Variants in PDE7A observed in about 807,000 individuals in gnomAD.
PDE7A encodes the protein high affinity 3',5'-cyclic-AMP phosphodiesterase 7A.
A neutral mutation model predicts 64.3 loss-of-function variants in PDE7A; 39 were observed. The observed-to-expected ratio is 0.61, with a 90% CI of 0.47 to 0.79. PDE7A has a LOEUF of 0.79. Ranked by LOEUF, PDE7A falls within the 30% of genes least tolerant of loss-of-function variation. The probability of loss-of-function intolerance (pLI) is 0.00; values close to 1 mark genes in which losing one functional copy is unlikely to be tolerated. For missense variants in PDE7A, 470 were observed against 582.8 expected (o/e 0.81, Z 1.99); for synonymous variants, 203 against 206.8 (o/e 0.98, Z 0.16).
intron 3 of PDE7A, among the ~76,000 whole-genome samples, chr8:65,749,496 A>G (rs1213802317): frequency 6.6e-6 from 1 of 152,220 alleles, no homozygotes; most frequent in East Asian, 1.9e-4. Context: ...CTTACTTTAA[A>G]AAAAGGACTA....
intron 1 of PDE7A, among the ~76,000 whole-genome samples, chr8:65,820,870 G>A (rs1475923054): frequency 1.3e-5 from 2 of 152,194 alleles, no homozygotes; most frequent in East Asian, 1.9e-4. Context: ...GATTACAGGC[G>A]TGAGCCACCA....
intron 1 of PDE7A, among the ~76,000 whole-genome samples, chr8:65,827,837 G>A (rs1218355857): frequency 6.6e-6 from 1 of 152,100 alleles, no homozygotes; most frequent in Non-Finnish European, 1.5e-5. Context: ...TTCACACAAC[G>A]ACGAAATCGC....
chr8:65,722,482 G>A (rs1806426129), intron 12 of PDE7A: 1 of 152,168 alleles, frequency 6.6e-6, no homozygotes, highest in South Asian at 2.1e-4. Flanking sequence ...TCATCTTTCT[G>A]AACTTTGGGC....
intron 3 of PDE7A, among the ~76,000 whole-genome samples, chr8:65,766,531 C>T (rs991345335): frequency 3.9e-5 from 6 of 152,162 alleles, no homozygotes; most frequent in African/African-American, 1.4e-4. Flanking sequence ...TGCTTAGGAG[C>T]AAGGGAGCCT....
At chr8:65,839,215 C>CTT (rs111962307) in intron 1 of PDE7A, among the ~76,000 whole-genome samples, 12,255 of 141,636 alleles carry the variant, frequency 0.087, 1,448 homozygotes, top group African/African-American at 0.28. Flanking sequence ...TACTTAATGT[C>CTT]TTTTTTTTAA....
At chr8:65,822,550 G>A (rs1237704957) in intron 1 of PDE7A, among the ~76,000 whole-genome samples, 2 of 152,188 alleles carry the variant, frequency 1.3e-5, no homozygotes, top group East Asian at 1.9e-4. Flanking sequence ...GAAATAAACA[G>A]TATCCACTCT....
intron 3 of PDE7A, among the ~76,000 whole-genome samples, chr8:65,753,002 CCTTTTGTTGT>C (rs1808040556): frequency 6.6e-6 from 1 of 152,134 alleles, no homozygotes; most frequent in Non-Finnish European, 1.5e-5. Context: ...CAACTGAACT[CCTTTTGTTGT>C]CTTATCTCTT....
Position 65,731,467 on chromosome 8 carries a change from A to G in PDE7A, c.696+3327T>C, listed in dbSNP as rs1563474593. 3 of 152,350 alleles carry G rather than the reference A, an allele frequency of 2.0e-5. No individual in the cohort carries two copies. In the East Asian group the frequency reaches 5.8e-4, roughly 29 times the overall value. 9.4% of individuals were successfully genotyped at this position (152,350 alleles called of 1,614,324 possible). ...AGTATAGTTATTAAGTAAAATAGCT[A>G]ATTTAAACTCATTATAGAAACATGA... On this transcript the variant is annotated intron_variant, in intron 7 of 12. Coordinates refer to ENST00000401827, the MANE Select transcript of PDE7A (RefSeq NM_001242318.3).
At chr8:65,781,900 G>A (rs1264921281) in intron 2 of PDE7A, among the ~76,000 whole-genome samples, 1 of 152,084 alleles carries the variant, frequency 6.6e-6, no homozygotes, top group African/African-American at 2.4e-5. Context: ...ATTTGTGGGG[G>A]AAAAATATGT....
intron 1 of PDE7A, chr8:65,789,056 C>T: frequency 6.8e-7 from 1 of 1,470,826 alleles, no homozygotes; most frequent in Non-Finnish European, 9.1e-7. Context: ...GGGACACTGA[C>T]TGCCTTGGAC....
Position 65,718,041 on chromosome 8 carries a change from CA to C in PDE7A, c.*1248del, listed in dbSNP as rs1402658003. 6.6e-6 allele frequency: 1 copy of C among 152,174 alleles called. No homozygotes were observed. Among genetic ancestry groups the C allele is most frequent in the Non-Finnish European group, 1.5e-5 (1 of 68,026 alleles). 9.4% of individuals were successfully genotyped at this position (152,174 alleles called of 1,614,324 possible). On this transcript the variant is annotated 3_prime_UTR_variant, in exon 13 of 13. Coordinates refer to ENST00000401827, the MANE Select transcript of PDE7A (RefSeq NM_001242318.3). ...GGCCCGTCAAAGGGTAACGTTTCAT[CA>C]AAGGGAGGGACAAGAAAACAATGCA...
At chr8:65,728,096 C>A (rs1303374958) in intron 7 of PDE7A, 1 of 152,162 alleles carries the variant, frequency 6.6e-6, no homozygotes, top group African/African-American at 2.4e-5. Context: ...TCCCACAGCA[C>A]CTCATGACCT....
At chr8:65,729,616 T>G (rs994712266) in intron 7 of PDE7A, among the ~76,000 whole-genome samples, 7 of 152,064 alleles carry the variant, frequency 4.6e-5, no homozygotes, top group Non-Finnish European at 8.8e-5. Context: ...CAGCCTGGAG[T>G]GCAGTGGTGC....
At chr8:65,803,167 C>T (rs1810035952) in intron 1 of PDE7A, among the ~76,000 whole-genome samples, 1 of 152,108 alleles carries the variant, frequency 6.6e-6, no homozygotes, top group South Asian at 2.1e-4. Context: ...CAAGAACAGC[C>T]TAATACACAG....
chr8:65,841,975 C>T lies in PDE7A; in HGVS notation c.-467G>A. On this transcript the variant is annotated 5_prime_UTR_variant, in exon 1 of 13. Transcript: ENST00000401827. ...AGCGACCAGCTCGGGCCGCCGCCGC[C>T]GCCGCCGCCGCCGCCGCCGGAGTCC... 4.0e-6 allele frequency: 1 copy of T among 251,140 alleles called. No homozygotes were observed. Among genetic ancestry groups the T allele is most frequent in the South Asian group, 3.8e-5 (1 of 26,460 alleles). 15.6% of individuals were successfully genotyped at this position (251,140 alleles called of 1,614,324 possible). A position where few individuals can be genotyped will look rare whatever the true frequency, so the allele number is the denominator to read the frequency against.
chr8:65,782,767 A>G lies in PDE7A; in HGVS notation c.199+16T>C. 8 of 1,468,612 alleles carry G rather than the reference A, an allele frequency of 5.4e-6. No homozygotes were observed. The highest frequency in any genetic ancestry group is 7.6e-6 in the Non-Finnish European group (8 of 1,056,620). 91.0% of individuals were successfully genotyped at this position (1,468,612 alleles called of 1,614,324 possible). On this transcript the variant is annotated intron_variant, in intron 2 of 12. Coordinates refer to ENST00000401827, the MANE Select transcript of PDE7A (RefSeq NM_001242318.3). ...ACAAAATTAACTGATATTGGTATAA[A>G]ATAAATAATGCTTACCTAGCATACG...
At chr8:65,817,477 T>C (rs545835254) in intron 1 of PDE7A, among the ~76,000 whole-genome samples, 2 of 152,338 alleles carry the variant, frequency 1.3e-5, no homozygotes, top group South Asian at 4.1e-4. Flanking sequence ...GTTTTTCTAC[T>C]GTTATTTTCC....
intron 3 of PDE7A, among the ~76,000 whole-genome samples, chr8:65,759,757 CCT>C (rs1346688067): frequency 6.6e-6 from 1 of 152,044 alleles, no homozygotes; most frequent in Non-Finnish European, 1.5e-5. Flanking sequence ...CATCCCAAAC[CCT>C]CTCTTTTGCT....
intron 2 of PDE7A, among the ~76,000 whole-genome samples, chr8:65,781,100 T>C (rs1418250734): frequency 1.3e-5 from 2 of 152,000 alleles, no homozygotes; most frequent in Admixed American, 1.3e-4. Flanking sequence ...ATGAGTTACA[T>C]GGAGAAAACT....
Sources: allele counts gnomAD v4.1 joint callset (sites outside exome capture counted in the v4.1 genomes callset), GRCh38; gene constraint gnomAD v4.1.1; transcripts MANE v1.5; gene names NCBI Gene and HGNC (gene_info 2026-07-23, HGNC 2026-07-21).